ST6GALNAC5: variants seen among roughly 807,000 people sequenced by gnomAD.
The protein encoded by ST6GALNAC5 is ST6 N-acetylgalactosaminide alpha-2,6-sialyltransferase 5, also known as alpha-N-acetylgalactosaminide alpha-2,6-sialyltransferase 5.
Under a neutral mutation model 33.6 loss-of-function variants are expected in ST6GALNAC5, and 27 were observed. The observed-to-expected ratio is 0.80, with a 90% CI of 0.59 to 1.11. The LOEUF is 1.11. Ranked by LOEUF, ST6GALNAC5 falls within the 50% of genes least tolerant of loss-of-function variation. The probability of loss-of-function intolerance (pLI) is 0.00; values close to 1 mark genes in which losing one functional copy is unlikely to be tolerated. For synonymous variants in ST6GALNAC5, 194 were observed against 171.2 expected, an observed-to-expected ratio of 1.13 and a Z score of -1.04; for missense variants, 428 against 454.0, an observed-to-expected ratio of 0.94 and a Z score of 0.52.
chr1:76,965,664 A>G (rs1222310873), intron 2 of ST6GALNAC5, among the ~76,000 whole-genome samples: 1 of 152,166 alleles, frequency 6.6e-6, no homozygotes, highest in Non-Finnish European at 1.5e-5. Context: ...TTGATGTTTT[A>G]GTCATGAAGT....
chr1:76,912,664 T>C (rs993400067), intron 2 of ST6GALNAC5, among the ~76,000 whole-genome samples: 9 of 150,960 alleles, frequency 6.0e-5, no homozygotes, highest in African/African-American at 2.2e-4. Context: ...AATTGATCCC[T>C]TTACCATTAT....
chr1:76,884,237 G>T (rs546432675), intron 2 of ST6GALNAC5, among the ~76,000 whole-genome samples: 4 of 152,144 alleles, frequency 2.6e-5, no homozygotes, highest in Non-Finnish European at 4.4e-5. Flanking sequence ...CCAACAGAAG[G>T]TTTGTGGTTC....
rs1190338860 is a variant in ST6GALNAC5 at position 76,867,522 on chromosome 1, C to T, written c.-154C>T. On this transcript the variant is annotated 5_prime_UTR_variant, in exon 1 of 5. Coordinates refer to ENST00000477717, the MANE Select transcript of ST6GALNAC5 (RefSeq NM_030965.3). ...TAATCTCTGCAACAGCCGCGCTTCC[C>T]GGGTCCCGCGGCTCCCGCGCGCGAT... The T allele has an allele frequency of 1.7e-6, 2 of 1,145,776 alleles. No individual in the cohort carries two copies. The highest frequency in any genetic ancestry group is 2.6e-6 in the Non-Finnish European group (2 of 758,558). The allele number at this position is 1,145,776 out of a possible 1,614,324, so 71.0% of individuals were successfully genotyped here. A position where few individuals can be genotyped will look rare whatever the true frequency, so the allele number is the denominator to read the frequency against.
chr1:76,932,036 A>G (rs1280081831), intron 2 of ST6GALNAC5, among the ~76,000 whole-genome samples: 2 of 152,142 alleles, frequency 1.3e-5, no homozygotes, highest in Non-Finnish European at 1.5e-5. Context: ...GGAAGTGACT[A>G]TTGACTTCAG....
chr1:77,060,063 T>A (rs573668976), intron 4 of ST6GALNAC5: 24 of 152,252 alleles, frequency 1.6e-4, no homozygotes, highest in African/African-American at 4.3e-4. Context: ...CCAACCGCAC[T>A]AAATGTTAGT....
At position 76,867,529 on chromosome 1, in the gene ST6GALNAC5, C is replaced by A. The variant is rs1653366846; in HGVS notation, c.-147C>A. On this transcript the variant is annotated 5_prime_UTR_variant, in exon 1 of 5. Coordinates refer to ENST00000477717, the MANE Select transcript of ST6GALNAC5 (RefSeq NM_030965.3). ...TGCAACAGCCGCGCTTCCCGGGTCCCGCGGCTCCCGCGCGCGATCTGCCGC... is the reference window on the plus strand; with the variant it reads ...TGCAACAGCCGCGCTTCCCGGGTCCAGCGGCTCCCGCGCGCGATCTGCCGC... 4.7e-6 allele frequency: 6 copies of A among 1,265,948 alleles called. No homozygotes were observed. The highest frequency in any genetic ancestry group is 1.5e-5 in the African/African-American group (1 of 67,686). The allele number at this position is 1,265,948 out of a possible 1,614,324, so 78.4% of individuals were successfully genotyped here.
intron 2 of ST6GALNAC5, among the ~76,000 whole-genome samples, chr1:76,993,175 G>A (rs1473861802): frequency 6.6e-6 from 1 of 152,138 alleles, no homozygotes; most frequent in East Asian, 1.9e-4. Flanking sequence ...CCTCCATGAT[G>A]CCTTTGCGAA....
At chr1:77,007,860 A>C in intron 2 of ST6GALNAC5, among the ~76,000 whole-genome samples, 1 of 152,222 alleles carries the variant, frequency 6.6e-6, no homozygotes, top group East Asian at 1.9e-4. Flanking sequence ...GCTTTCTGCA[A>C]GGCTTTGTGG....
intron 2 of ST6GALNAC5, 106 bp from the exon 3 acceptor site, chr1:77,044,098 A>C: frequency 8.1e-7 from 1 of 1,240,030 alleles, no homozygotes; most frequent in South Asian, 1.6e-5. Context: ...TGGGGAGGAG[A>C]GAAGAGATGG....
intron 2 of ST6GALNAC5, among the ~76,000 whole-genome samples, chr1:76,956,825 G>A (rs923265763): frequency 2.0e-5 from 3 of 152,150 alleles, no homozygotes; most frequent in Admixed American, 2.0e-4. Context: ...GATTTGGGGA[G>A]GAGGGAGGGA....
intron 2 of ST6GALNAC5, among the ~76,000 whole-genome samples, chr1:76,975,960 T>C (rs866658556): frequency 3.2e-4 from 49 of 152,190 alleles, no homozygotes; most frequent in African/African-American, 1.1e-3. Flanking sequence ...CCGGGCTTGG[T>C]GGCACATGTC....
At chr1:76,949,577 G>C (rs1331493118) in intron 2 of ST6GALNAC5, among the ~76,000 whole-genome samples, 1 of 152,084 alleles carries the variant, frequency 6.6e-6, no homozygotes, top group Admixed American at 6.6e-5. Context: ...GACTAGACAA[G>C]GGCTCTTTCA....
intron 3 of ST6GALNAC5, among the ~76,000 whole-genome samples, chr1:77,046,312 A>G (rs963200788): frequency 9.2e-5 from 14 of 152,268 alleles, no homozygotes; most frequent in African/African-American, 3.4e-4. Flanking sequence ...TAATAAATCC[A>G]TTCTTTGGCT....
At chr1:76,893,375 G>C (rs1654053643) in intron 2 of ST6GALNAC5, among the ~76,000 whole-genome samples, 1 of 152,150 alleles carries the variant, frequency 6.6e-6, no homozygotes, top group Admixed American at 6.5e-5. Context: ...ACCAGAAGTG[G>C]AAAATTAGGG....
chr1:76,926,632 AT>A (rs1429478729), intron 2 of ST6GALNAC5, among the ~76,000 whole-genome samples: 1 of 152,202 alleles, frequency 6.6e-6, no homozygotes, highest in African/African-American at 2.4e-5. Context: ...CTCTGAAATA[AT>A]GCTTCAGTGA....
rs759920866 is a variant in ST6GALNAC5 at position 77,044,345 on chromosome 1, G to A, written c.403G>A (p.Val135Met). The A allele has an allele frequency of 1.7e-5, 27 of 1,613,846 alleles. No homozygotes were observed. The highest frequency in any genetic ancestry group is 1.9e-5 in the Non-Finnish European group (22 of 1,180,040). ...CCCCACACGCGGCTATGGGCGTGAC[G>A]TGGGCAATCGCACCAGCCTGAGGGT... ...DAPTRGYGRD[V>M]GNRTSLRVIA... The change falls in exon 3 of 5, where the codon GTG (valine) becomes ATG (methionine). Residue 135 changes from valine to methionine, a missense_variant. Val to Met is a conservative substitution (Grantham distance 21). Transcript: ENST00000477717.
intron 2 of ST6GALNAC5, among the ~76,000 whole-genome samples, chr1:77,009,571 G>A (rs1650554307): frequency 6.6e-6 from 1 of 152,094 alleles, no homozygotes; most frequent in African/African-American, 2.4e-5. Flanking sequence ...TGAGTTACAT[G>A]AGCGACATCA....
At chr1:76,870,658 A>G (rs1328694875) in intron 2 of ST6GALNAC5, among the ~76,000 whole-genome samples, 6 of 152,222 alleles carry the variant, frequency 3.9e-5, no homozygotes, top group Admixed American at 2.0e-4. Context: ...GATACCCTAC[A>G]TGGGAAATTG....
chr1:77,025,084 T>C (rs140913022), intron 2 of ST6GALNAC5, among the ~76,000 whole-genome samples: 44 of 152,370 alleles, frequency 2.9e-4, no homozygotes, highest in African/African-American at 1.1e-3. Flanking sequence ...TGATCGATTC[T>C]GAAGTCTTGC....
Sources: gnomAD v4.1 joint callset for allele counts (sites outside exome capture counted in the v4.1 genomes callset) on GRCh38, gnomAD v4.1.1 for gene constraint, MANE v1.5 for transcripts, NCBI Gene and HGNC (gene_info 2026-07-23, HGNC 2026-07-21) for gene names.